The following TMEM117 variants were observed in gnomAD, a reference collection of about 807,000 sequenced individuals.
TMEM117 encodes transmembrane protein 117.
A neutral mutation model predicts 52.4 loss-of-function variants in TMEM117; 27 were observed. The ratio of observed to expected loss-of-function variants is 0.51; its 90% CI spans 0.38 to 0.71. The LOEUF is 0.71. TMEM117 is among the 30% of genes least tolerant of loss of function. The pLI is 0.00. For synonymous variants in TMEM117, 215 were observed against 206.3 expected (o/e 1.04, Z -0.36); for missense variants, 556 against 630.5 (o/e 0.88, Z 1.26).
At chr12:43,954,156 T>C (rs1022519632) in intron 3 of TMEM117, among the ~76,000 whole-genome samples, 3 of 152,120 alleles carry the variant, frequency 2.0e-5, no homozygotes, top group African/African-American at 7.2e-5. Flanking sequence ...GCTAAAGCAG[T>C]ATTAAGAGAA....
At chr12:44,332,038 A>G (rs1230993551) in intron 6 of TMEM117, among the ~76,000 whole-genome samples, 1 of 151,590 alleles carries the variant, frequency 6.6e-6, no homozygotes, top group African/African-American at 2.4e-5. Flanking sequence ...CTTATTTATC[A>G]ATTTATCACA....
chr12:44,173,621 A>G (rs1442034576), intron 4 of TMEM117, among the ~76,000 whole-genome samples: 1 of 147,634 alleles, frequency 6.8e-6, no homozygotes, highest in African/African-American at 2.7e-5. Context: ...CTTTCTTATT[A>G]TCAGTAGGTT....
chr12:44,008,907 G>T, intron 3 of TMEM117: 1 of 410,846 alleles, frequency 2.4e-6, no homozygotes, highest in Non-Finnish European at 4.8e-6. Context: ...TTTACTCTTT[G>T]ATGTGTCATG....
chr12:43,884,310 G>T (rs924621088), intron 2 of TMEM117, among the ~76,000 whole-genome samples: 2 of 151,850 alleles, frequency 1.3e-5, no homozygotes, highest in Non-Finnish European at 2.9e-5. Context: ...TATACTTTTA[G>T]ATCAGTATAT....
At chr12:44,226,501 A>ATGTGTGTGTGTGTGTGTGTGTGTG (rs56709250) in intron 5 of TMEM117, among the ~76,000 whole-genome samples, 19 of 149,280 alleles carry the variant, frequency 1.3e-4, no homozygotes, top group Non-Finnish European at 2.2e-4. Context: ...AAATATATAT[A>ATGTGTGTGTGTGTGTGTGTGTGTG]TGTGTGTGTG....
At chr12:44,106,142 G>A (rs1038676712) in intron 3 of TMEM117, among the ~76,000 whole-genome samples, 4 of 151,944 alleles carry the variant, frequency 2.6e-5, no homozygotes, top group Non-Finnish European at 4.4e-5. Flanking sequence ...CCAGTTTTGG[G>A]GGCAGCAGCT....
chr12:43,989,609 A>G (rs1202147700), intron 3 of TMEM117, among the ~76,000 whole-genome samples: 1 of 152,044 alleles, frequency 6.6e-6, no homozygotes, highest in African/African-American at 2.4e-5. Context: ...GACCTCTTTT[A>G]ATTCAAATGT....
intron 2 of TMEM117, among the ~76,000 whole-genome samples, chr12:43,942,284 A>G (rs541626904): frequency 4.7e-4 from 71 of 152,344 alleles, no homozygotes; most frequent in African/African-American, 1.6e-3. Flanking sequence ...TATTTGTTCA[A>G]TGAATGAATA....
the TMEM117 span, chr12:43,802,327 A>T: frequency 1.3e-6 from 2 of 1,583,916 alleles, no homozygotes; most frequent in Non-Finnish European, 1.7e-6. Context: ...ATCCATTCAT[A>T]TCCCTGGGCA....
At chr12:44,353,708 T>C (rs1592713325) in intron 6 of TMEM117, among the ~76,000 whole-genome samples, 1 of 152,290 alleles carries the variant, frequency 6.6e-6, no homozygotes, top group East Asian at 1.9e-4. Context: ...AGCCTTGTAG[T>C]ATAGTTTGAA....
chr12:43,823,771 C>T, the TMEM117 span, among the ~76,000 whole-genome samples: 1 of 151,862 alleles, frequency 6.6e-6, no homozygotes, highest in African/African-American at 2.4e-5. Flanking sequence ...CTCAGCCTCC[C>T]AAAGTGCTAG....
At chr12:44,344,884 G>A (rs1951464369) in intron 6 of TMEM117, among the ~76,000 whole-genome samples, 1 of 152,022 alleles carries the variant, frequency 6.6e-6, no homozygotes, top group African/African-American at 2.4e-5. Flanking sequence ...TAGGATTGCA[G>A]GGTCTCTTAT....
chr12:44,369,169 G>A (rs760319390), intron 6 of TMEM117, among the ~76,000 whole-genome samples: 6 of 152,022 alleles, frequency 3.9e-5, no homozygotes, highest in Admixed American at 6.6e-5. Flanking sequence ...ATTTCTATTC[G>A]TTGTAAACAC....
At chr12:44,254,109 G>C (rs900161045) in intron 5 of TMEM117, among the ~76,000 whole-genome samples, 2 of 151,032 alleles carry the variant, frequency 1.3e-5, no homozygotes, top group Non-Finnish European at 1.5e-5. Context: ...GATTACAATG[G>C]CATATGTGTG....
At chr12:44,296,558 G>T (rs1282956584) in intron 5 of TMEM117, among the ~76,000 whole-genome samples, 1 of 152,182 alleles carries the variant, frequency 6.6e-6, no homozygotes, top group East Asian at 1.9e-4. Context: ...AAAGTCCCTT[G>T]GTGGGCAGAA....
intron 3 of TMEM117, among the ~76,000 whole-genome samples, chr12:43,953,986 C>G (rs973922009): frequency 1.3e-5 from 2 of 152,160 alleles, no homozygotes; most frequent in African/African-American, 4.8e-5. Context: ...AATTGGAACT[C>G]AAGATTTAAA....
chr12:44,249,406 A>G (rs1950170613), intron 5 of TMEM117, among the ~76,000 whole-genome samples: 1 of 152,124 alleles, frequency 6.6e-6, no homozygotes. Flanking sequence ...ATGAAAATGG[A>G]TATACTCTCC....
chr12:44,175,282 G>T (rs1252291386), intron 4 of TMEM117, among the ~76,000 whole-genome samples: 4 of 152,106 alleles, frequency 2.6e-5, no homozygotes, highest in African/African-American at 9.7e-5. Flanking sequence ...TATTTTGGAG[G>T]TTGAGCTGGC....
chr12:44,260,937 G>A (rs1950313481), intron 5 of TMEM117, among the ~76,000 whole-genome samples: 2 of 152,142 alleles, frequency 1.3e-5, no homozygotes, highest in Non-Finnish European at 2.9e-5. Flanking sequence ...TTTTGTAATT[G>A]TGAGTGGCAC....
Sources: gnomAD v4.1 joint callset for allele counts (sites outside exome capture counted in the v4.1 genomes callset) on GRCh38, gnomAD v4.1.1 for gene constraint, MANE v1.5 for transcripts, NCBI Gene and HGNC (gene_info 2026-07-23, HGNC 2026-07-21) for gene names.